Variants in CLIC5 observed in about 807,000 individuals in gnomAD.
CLIC5 encodes the protein chloride intracellular channel protein 5.
CLIC5 carries 20 observed loss-of-function variants against 24.7 expected under a neutral mutation model. That is an observed-to-expected ratio of 0.81 (90% CI 0.57 to 1.18). The LOEUF (loss-of-function observed/expected upper bound fraction) is 1.18. CLIC5 is among the 50% of genes most tolerant of loss of function. The probability of loss-of-function intolerance (pLI) is 0.00; values close to 1 mark genes in which losing one functional copy is unlikely to be tolerated. For missense variants in CLIC5, 341 were observed against 326.1 expected, an observed-to-expected ratio of 1.05 and a Z score of -0.35; for synonymous variants, 159 against 135.6, an observed-to-expected ratio of 1.17 and a Z score of -1.20.
At chr6:45,989,510 T>C (rs904593976) in intron 1 of CLIC5, among the ~76,000 whole-genome samples, 1 of 152,222 alleles carries the variant, frequency 6.6e-6, no homozygotes, top group African/African-American at 2.4e-5. Flanking sequence ...ATAATATTAC[T>C]GTTTGACCAG....
intron 1 of CLIC5, among the ~76,000 whole-genome samples, chr6:45,981,748 T>C (rs1220182182): frequency 6.6e-6 from 1 of 152,172 alleles, no homozygotes. Context: ...CTCATGCCAA[T>C]AATCCCAGCA....
At chr6:45,911,140 A>G (rs1370754036) in intron 5 of CLIC5, among the ~76,000 whole-genome samples, 1 of 151,612 alleles carries the variant, frequency 6.6e-6, no homozygotes, top group Non-Finnish European at 1.5e-5. Context: ...AATAATTCCA[A>G]CCTCTTCCCT....
At chr6:46,056,962 A>G (rs1044016925) in intron 1 of CLIC5, among the ~76,000 whole-genome samples, 1 of 152,150 alleles carries the variant, frequency 6.6e-6, no homozygotes, top group Admixed American at 6.5e-5. Context: ...TGCTGTCACA[A>G]TCCACATGGT....
the CLIC5 span, chr6:46,122,998 A>C: frequency 6.6e-6 from 1 of 152,286 alleles, no homozygotes; most frequent in African/African-American, 2.4e-5. Flanking sequence ...ATTCTACCAG[A>C]GGTACAAGGA....
intron 1 of CLIC5, among the ~76,000 whole-genome samples, chr6:46,036,003 C>G (rs1767648860): frequency 6.6e-6 from 1 of 152,048 alleles, no homozygotes; most frequent in Non-Finnish European, 1.5e-5. Context: ...CCTCGGCCTC[C>G]CAAAGTGCTG....
upstream of CLIC5, among the ~76,000 whole-genome samples, chr6:46,080,548 C>T (rs1377547004): frequency 6.6e-6 from 1 of 152,094 alleles, no homozygotes; most frequent in African/African-American, 2.4e-5. Context: ...TTGGGTAAGC[C>T]AGAGATTGAA....
At chr6:45,946,888 A>C (rs563164852) in intron 3 of CLIC5, among the ~76,000 whole-genome samples, 15 of 152,214 alleles carry the variant, frequency 9.9e-5, no homozygotes, top group Non-Finnish European at 1.5e-4. Context: ...TTTTAACAGC[A>C]TCAAGCGTTC....
At chr6:45,912,467 G>T in intron 5 of CLIC5, 1 of 1,253,710 alleles carries the variant, frequency 8.0e-7, no homozygotes, top group Non-Finnish European at 1.0e-6. Context: ...AATGGTTTTT[G>T]AGTGGTAGTG....
rs76372312 is a variant in CLIC5 at position 45,886,117 on chromosome 6, A to C, written c.624-4929T>G. On this transcript the variant is annotated intron_variant, in intron 6 of 6. Coordinates refer to the CLIC5 transcript ENST00000644324. ...CAGAAGGAGGAGGCTTCTACCAATA[A>C]GAAGGAGGCTTATTTGGGTCACTTC... Among the ~76,000 whole-genome samples the C allele has an allele frequency of 5.6e-3, 850 of 152,328 alleles. 15 individuals carry two copies. In the East Asian group the frequency reaches 0.056, roughly 10 times the overall value.
the CLIC5 span, among the ~76,000 whole-genome samples, chr6:46,112,696 G>A: frequency 1.5e-3 from 231 of 152,274 alleles, 3 homozygotes; most frequent in Non-Finnish European, 5.0e-4. Flanking sequence ...GGGTGGTTTA[G>A]GCAGTGGGGA....
At chr6:46,061,696 A>C (rs759220849) in intron 1 of CLIC5, among the ~76,000 whole-genome samples, 3 of 152,222 alleles carry the variant, frequency 2.0e-5, no homozygotes, top group Non-Finnish European at 4.4e-5. Context: ...TGACAGCTTT[A>C]TGGAGATTTG....
intron 4 of CLIC5, chr6:45,934,101 G>A (rs972223709): frequency 4.6e-5 from 7 of 152,252 alleles, no homozygotes; most frequent in Non-Finnish European, 5.9e-5. Flanking sequence ...TAGGAGGACC[G>A]AGCTGCAGCT....
At chr6:46,018,846 TTTTTGTATGACTGTTGA>T, upstream of CLIC5, 1 of 152,226 alleles carries the variant, frequency 6.6e-6, no homozygotes, top group Non-Finnish European at 1.5e-5. Flanking sequence ...GACATTCATA[TTTTTGTATGACTGTTGA>T]AAGTGAAAAC....
At chr6:46,004,725 A>T (rs1299649605) in intron 1 of CLIC5, among the ~76,000 whole-genome samples, 5 of 151,778 alleles carry the variant, frequency 3.3e-5, no homozygotes, top group African/African-American at 1.2e-4. Context: ...CACAGATCAG[A>T]TCCCTGTTAT....
the CLIC5 span, among the ~76,000 whole-genome samples, chr6:46,113,874 T>C: frequency 6.6e-6 from 1 of 152,106 alleles, no homozygotes. Context: ...GGAGAGAAGA[T>C]GGCCATCCAT....
intron 1 of CLIC5, among the ~76,000 whole-genome samples, chr6:45,968,972 A>G (rs1272442759): frequency 6.6e-6 from 1 of 152,210 alleles, no homozygotes; most frequent in East Asian, 1.9e-4. Flanking sequence ...TCTGGGTCTT[A>G]ATCTTGTTAT....
At chr6:46,068,179 G>A (rs1186197579) in intron 1 of CLIC5, among the ~76,000 whole-genome samples, 2 of 152,060 alleles carry the variant, frequency 1.3e-5, no homozygotes. Flanking sequence ...GTACAAGAAA[G>A]AACTCTCCCC....
At chr6:45,950,181 C>G (rs1472541811) in intron 2 of CLIC5, among the ~76,000 whole-genome samples, 3 of 152,200 alleles carry the variant, frequency 2.0e-5, no homozygotes, top group Admixed American at 6.5e-5. Context: ...ACGATTCAAG[C>G]TCCATGAGGG....
chr6:46,115,419 G>T, the CLIC5 span, among the ~76,000 whole-genome samples: 3 of 152,180 alleles, frequency 2.0e-5, no homozygotes, highest in African/African-American at 7.2e-5. Flanking sequence ...CACATCCTGG[G>T]TGTGAGCAGG....
Sources: allele counts gnomAD v4.1 joint callset (sites outside exome capture counted in the v4.1 genomes callset), GRCh38; gene constraint gnomAD v4.1.1; transcripts MANE v1.5; gene names NCBI Gene and HGNC (gene_info 2026-07-23, HGNC 2026-07-21).